Variants in MEOX2 observed in about 807,000 individuals in gnomAD.
MEOX2 encodes the protein mesenchyme homeobox 2.
In MEOX2, 11 loss-of-function variants were observed where a neutral mutation model predicts 27.0. The ratio of observed to expected loss-of-function variants is 0.41; its 90% CI spans 0.26 to 0.68. The LOEUF (loss-of-function observed/expected upper bound fraction) is 0.68. Ranked by LOEUF, MEOX2 falls within the 30% of genes least tolerant of loss-of-function variation. The probability of loss-of-function intolerance (pLI) is 0.33; values close to 1 mark genes in which losing one functional copy is unlikely to be tolerated. For missense variants in MEOX2, 436 were observed against 385.4 expected (o/e 1.13, Z -1.10); for synonymous variants, 189 against 155.4 (o/e 1.22, Z -1.61).
chr7:15,647,500 A>C (rs1781669993), intron 1 of MEOX2, among the ~76,000 whole-genome samples: 1 of 152,094 alleles, frequency 6.6e-6, no homozygotes, highest in Admixed American at 6.5e-5. Context: ...GTCTTCTCAT[A>C]TTACAGTATT....
intron 1 of MEOX2, among the ~76,000 whole-genome samples, chr7:15,633,995 C>A (rs998702562): frequency 1.3e-5 from 2 of 151,996 alleles, no homozygotes; most frequent in African/African-American, 2.4e-5. Context: ...TTTCTATTAA[C>A]TTTTAAGACA....
chr7:15,621,151 G>C (rs1399383937), intron 2 of MEOX2, among the ~76,000 whole-genome samples: 4 of 152,156 alleles, frequency 2.6e-5, no homozygotes, highest in South Asian at 4.1e-4. Context: ...CATTCGGGGT[G>C]ACTCTGACAA....
intron 1 of MEOX2, chr7:15,677,350 G>A (rs1179452278): frequency 6.6e-6 from 1 of 152,186 alleles, no homozygotes; most frequent in Non-Finnish European, 1.5e-5. Context: ...GTAGAGAAAA[G>A]TTAAATTTGT....
chr7:15,623,291 A>G (rs1275461712), intron 2 of MEOX2, among the ~76,000 whole-genome samples: 2 of 152,236 alleles, frequency 1.3e-5, no homozygotes, highest in African/African-American at 4.8e-5. Context: ...ACATCATAGT[A>G]TATTTTTTCT....
intron 1 of MEOX2, among the ~76,000 whole-genome samples, chr7:15,655,920 G>C (rs1303359260): frequency 1.3e-5 from 2 of 151,606 alleles, no homozygotes; most frequent in Non-Finnish European, 3.0e-5. Context: ...TTTCTGTCTA[G>C]CTGTTTTATC....
At chr7:15,648,122 T>C (rs781069226) in intron 1 of MEOX2, among the ~76,000 whole-genome samples, 4 of 151,898 alleles carry the variant, frequency 2.6e-5, no homozygotes, top group Non-Finnish European at 4.4e-5. Context: ...AACAGGTATT[T>C]AAAAAAAATC....
intron 1 of MEOX2, among the ~76,000 whole-genome samples, chr7:15,650,720 C>A (rs936287474): frequency 6.6e-6 from 1 of 151,922 alleles, no homozygotes; most frequent in Non-Finnish European, 1.5e-5. Context: ...GGGGAGACTT[C>A]TCCATACTTT....
chr7:15,659,521 G>A (rs1235312467), intron 1 of MEOX2, among the ~76,000 whole-genome samples: 1 of 152,060 alleles, frequency 6.6e-6, no homozygotes, highest in Non-Finnish European at 1.5e-5. Flanking sequence ...AGCACTTTGG[G>A]AGGCTGAGGC....
At chr7:15,685,363 A>C (rs1324524884) in intron 1 of MEOX2, among the ~76,000 whole-genome samples, 1 of 152,200 alleles carries the variant, frequency 6.6e-6, no homozygotes, top group Admixed American at 6.5e-5. Flanking sequence ...TAAAAAAAAA[A>C]AACTGAAACT....
intron 2 of MEOX2, among the ~76,000 whole-genome samples, chr7:15,620,934 C>T (rs191896164): frequency 1.8e-4 from 28 of 151,394 alleles, no homozygotes; most frequent in African/African-American, 6.8e-4. Context: ...TATTTGGCAG[C>T]CTTAACTCTA....
At chr7:15,631,033 G>C (rs1389234246) in intron 1 of MEOX2, among the ~76,000 whole-genome samples, 1 of 151,886 alleles carries the variant, frequency 6.6e-6, no homozygotes, top group Non-Finnish European at 1.5e-5. Context: ...ACACTAAGGT[G>C]TGTGAGGAGT....
intron 1 of MEOX2, among the ~76,000 whole-genome samples, chr7:15,654,796 A>G (rs1201745289): frequency 3.3e-5 from 5 of 151,588 alleles, no homozygotes; most frequent in Non-Finnish European, 7.4e-5. Flanking sequence ...ATTTGCTATT[A>G]TTTTAAGAAT....
intron 1 of MEOX2, among the ~76,000 whole-genome samples, chr7:15,661,610 C>G (rs1215628710): frequency 1.3e-5 from 2 of 152,140 alleles, no homozygotes; most frequent in East Asian, 3.9e-4. Context: ...TATGATCAGC[C>G]ATTTCAAAGT....
chr7:15,643,865 A>G (rs971715730), intron 1 of MEOX2, among the ~76,000 whole-genome samples: 3 of 152,136 alleles, frequency 2.0e-5, no homozygotes, highest in South Asian at 4.1e-4. Context: ...CTGGGACCAG[A>G]CCAGCAGTTT....
intron 1 of MEOX2, among the ~76,000 whole-genome samples, chr7:15,655,743 G>A (rs1384615140): frequency 1.3e-5 from 2 of 151,654 alleles, no homozygotes; most frequent in East Asian, 3.9e-4. Flanking sequence ...ATTCTTTTAA[G>A]TTTGTTAAGA....
intron 1 of MEOX2, among the ~76,000 whole-genome samples, chr7:15,644,043 A>G (rs929869687): frequency 3.3e-5 from 5 of 152,180 alleles, no homozygotes; most frequent in Non-Finnish European, 7.3e-5. Flanking sequence ...TTTAAGATGC[A>G]TCTTGCTCCC....
chr7:15,615,342 C>T (rs189535340), intron 2 of MEOX2, among the ~76,000 whole-genome samples: 218 of 151,964 alleles, frequency 1.4e-3, no homozygotes, highest in Middle Eastern at 3.4e-3. Flanking sequence ...TGTTTGATTC[C>T]AGATTCTGGG....
chr7:15,613,627 G>A (rs1781070468), intron 2 of MEOX2, among the ~76,000 whole-genome samples: 2 of 151,846 alleles, frequency 1.3e-5, no homozygotes, highest in Admixed American at 1.3e-4. Flanking sequence ...TCTTAAAAAA[G>A]AAAACAAATT....
chr7:15,665,723 G>A (rs1035572631), intron 1 of MEOX2, among the ~76,000 whole-genome samples: 15 of 152,126 alleles, frequency 9.9e-5, no homozygotes, highest in African/African-American at 3.6e-4. Context: ...CAGATCAAGT[G>A]GACATCAGTA....
Sources: allele counts gnomAD v4.1 joint callset (sites outside exome capture counted in the v4.1 genomes callset), GRCh38; gene constraint gnomAD v4.1.1; transcripts MANE v1.5; gene names NCBI Gene and HGNC (gene_info 2026-07-23, HGNC 2026-07-21).